MTUS2: variants seen among roughly 807,000 people sequenced by gnomAD.
The protein encoded by MTUS2 is microtubule-associated tumor suppressor candidate 2.
In MTUS2, 40 loss-of-function variants were observed where a neutral mutation model predicts 114.1. That is an observed-to-expected ratio of 0.35 (90% CI 0.27 to 0.46). The LOEUF (loss-of-function observed/expected upper bound fraction) is 0.46, where lower values mean the gene tolerates loss of function less well. MTUS2 is among the 20% of genes least tolerant of loss of function. The pLI is 1.00. For missense variants in MTUS2, 1,679 were observed against 1,705.4 expected (o/e 0.98, Z 0.27); for synonymous variants, 688 against 672.0 (o/e 1.02, Z -0.37).
chr13:29,342,561 G>T (rs1001441490), intron 7 of MTUS2, among the ~76,000 whole-genome samples: 1 of 152,084 alleles, frequency 6.6e-6, no homozygotes, highest in Non-Finnish European at 1.5e-5. Context: ...CTTTTAGGAT[G>T]AGGCTTTAGG....
At chr13:29,498,957 A>T (rs1486206036) in intron 14 of MTUS2, among the ~76,000 whole-genome samples, 1 of 152,268 alleles carries the variant, frequency 6.6e-6, no homozygotes, top group Middle Eastern at 3.4e-3. Context: ...ACAGATGCGG[A>T]GATGGAGCTA....
At chr13:28,859,816 C>G (rs999470904) in intron 2 of MTUS2, among the ~76,000 whole-genome samples, 1 of 152,052 alleles carries the variant, frequency 6.6e-6, no homozygotes, top group African/African-American at 2.4e-5. Context: ...GAGGGATGAC[C>G]AGGATCCACA....
At chr13:29,394,364 G>A (rs1873741119) in intron 8 of MTUS2, among the ~76,000 whole-genome samples, 1 of 152,182 alleles carries the variant, frequency 6.6e-6, no homozygotes, top group Admixed American at 6.5e-5. Context: ...GCAGAGGGGA[G>A]GGGAGGCTTC....
At chr13:29,426,277 A>G (rs1308262077) in intron 8 of MTUS2, among the ~76,000 whole-genome samples, 1 of 152,200 alleles carries the variant, frequency 6.6e-6, no homozygotes, top group Non-Finnish European at 1.5e-5. Flanking sequence ...AGTACACATG[A>G]TCCTCAACTT....
At chr13:29,247,731 A>G (rs1896978537) in intron 5 of MTUS2, among the ~76,000 whole-genome samples, 1 of 152,222 alleles carries the variant, frequency 6.6e-6, no homozygotes, top group Non-Finnish European at 1.5e-5. Context: ...AATGCCCGTA[A>G]TCAAAAAATC....
rs529491201 is a variant in MTUS2, at chr13:29,407,836, G to A, written c.3118-32147G>A. On this transcript the variant is annotated intron_variant, in intron 8 of 15. Coordinates refer to ENST00000612955, the MANE Select transcript of MTUS2 (RefSeq NM_001033602.4). ...TGTATGAATGTACCGTTTACTCCAC[G>A]TACTAGCCAACTGAGATATCATCAG... Among the ~76,000 whole-genome samples, 8 of 150,774 alleles carry A rather than the reference G, an allele frequency of 5.3e-5. No homozygotes were observed. In the South Asian group the frequency reaches 8.3e-4, roughly 16 times the overall value.
At chr13:29,159,649 T>TA (rs397828215) in intron 5 of MTUS2, among the ~76,000 whole-genome samples, 49,362 of 147,814 alleles carry the variant, frequency 0.33, 8,313 homozygotes, top group East Asian at 0.44. Flanking sequence ...AACTCAGCAG[T>TA]AAAAAAAAAA....
At chr13:29,413,116 C>T (rs1465091007) in intron 8 of MTUS2, among the ~76,000 whole-genome samples, 4 of 152,176 alleles carry the variant, frequency 2.6e-5, no homozygotes, top group Admixed American at 1.3e-4. Flanking sequence ...AGCTAATCAG[C>T]TAATCAGAAC....
intron 5 of MTUS2, among the ~76,000 whole-genome samples, chr13:29,230,394 C>T (rs1182330996): frequency 4.6e-5 from 7 of 152,260 alleles, no homozygotes. Flanking sequence ...CTGCTTTCTT[C>T]TCTACTTCGG....
chr13:29,385,183 C>T (rs1333271879), intron 8 of MTUS2, among the ~76,000 whole-genome samples: 1 of 152,208 alleles, frequency 6.6e-6, no homozygotes, highest in Admixed American at 6.5e-5. Flanking sequence ...GTGAGAAATA[C>T]TAGGCCGTGC....
chr13:28,877,104 A>G (rs1207418857), intron 2 of MTUS2, among the ~76,000 whole-genome samples: 1 of 151,084 alleles, frequency 6.6e-6, no homozygotes, highest in African/African-American at 2.4e-5. Flanking sequence ...CACCCTGGCT[A>G]TGATGAAACC....
At chr13:29,380,391 C>G (rs1872113581) in intron 8 of MTUS2, among the ~76,000 whole-genome samples, 1 of 152,220 alleles carries the variant, frequency 6.6e-6, no homozygotes, top group African/African-American at 2.4e-5. Context: ...CATATGTAAA[C>G]ACTTGCTTCA....
intron 4 of MTUS2, among the ~76,000 whole-genome samples, chr13:29,037,100 A>C (rs930929378): frequency 2.0e-5 from 3 of 152,198 alleles, no homozygotes; most frequent in Admixed American, 1.3e-4. Context: ...GTTTCTTAAT[A>C]GTGTTGATGG....
At chr13:29,370,500 C>T (rs1871109774) in intron 8 of MTUS2, among the ~76,000 whole-genome samples, 1 of 152,106 alleles carries the variant, frequency 6.6e-6, no homozygotes, top group South Asian at 2.1e-4. Flanking sequence ...AGTGATTAGG[C>T]TACACCCTCA....
intron 5 of MTUS2, among the ~76,000 whole-genome samples, chr13:29,216,173 C>T (rs181068629): frequency 1.4e-3 from 213 of 152,358 alleles, no homozygotes; most frequent in East Asian, 2.1e-3. Flanking sequence ...GCTTCGTTTA[C>T]ACTGTGAGGG....
At chr13:29,215,483 T>G (rs1895641190) in intron 5 of MTUS2, among the ~76,000 whole-genome samples, 1 of 151,374 alleles carries the variant, frequency 6.6e-6, no homozygotes, top group African/African-American at 2.4e-5. Flanking sequence ...TGTTTTTTTT[T>G]TTTTTTTTTT....
intron 4 of MTUS2, among the ~76,000 whole-genome samples, chr13:29,064,298 A>G (rs994664904): frequency 6.7e-6 from 1 of 149,308 alleles, no homozygotes; most frequent in Non-Finnish European, 1.5e-5. Flanking sequence ...ATAGATACAG[A>G]GTGTGTGGGT....
At chr13:29,305,797 G>A (rs368538582) in intron 6 of MTUS2, among the ~76,000 whole-genome samples, 170 of 152,236 alleles carry the variant, frequency 1.1e-3, no homozygotes, top group African/African-American at 3.8e-3. Context: ...TGAGGCCAGC[G>A]TTATCCTGAT....
intron 3 of MTUS2, among the ~76,000 whole-genome samples, chr13:29,027,541 A>G (rs1039858165): frequency 1.3e-4 from 19 of 151,872 alleles, no homozygotes; most frequent in Non-Finnish European, 2.2e-4. Flanking sequence ...TTGTTTGTTT[A>G]TGTTTTTTTT....
Sources: allele counts gnomAD v4.1 joint callset (sites outside exome capture counted in the v4.1 genomes callset), GRCh38; gene constraint gnomAD v4.1.1; transcripts MANE v1.5; gene names NCBI Gene and HGNC (gene_info 2026-07-23, HGNC 2026-07-21).